DNAL1: variants seen among roughly 807,000 people sequenced by gnomAD.
DNAL1 encodes dynein axonemal light chain 1, also known as chromosome 14 open reading frame 168.
Under a neutral mutation model 29.4 loss-of-function variants are expected in DNAL1, and 17 were observed. The observed-to-expected ratio is 0.58, with a 90% CI of 0.40 to 0.87. The LOEUF (loss-of-function observed/expected upper bound fraction) is 0.87. DNAL1 is among the 40% of genes least tolerant of loss of function. The probability of loss-of-function intolerance (pLI) is 0.00; values close to 1 mark genes in which losing one functional copy is unlikely to be tolerated. For synonymous variants in DNAL1, 78 were observed against 76.3 expected (o/e 1.02, Z -0.12); for missense variants, 188 against 214.1 (o/e 0.88, Z 0.76).
At chr14:73,645,379 A>G (rs1890955613) in intron 1 of DNAL1, among the ~76,000 whole-genome samples, 3 of 151,988 alleles carry the variant, frequency 2.0e-5, no homozygotes, top group Non-Finnish European at 4.4e-5. Flanking sequence ...ATCTCTTTAC[A>G]TAGAAGTAAT....
rs192254103 is a variant in DNAL1, at chr14:73,692,084, G to A, written c.532+2569G>A. 4.7e-3 allele frequency among the ~76,000 whole-genome samples: 692 copies of A among 147,198 alleles called. 9 individuals carry two copies. The highest frequency in any genetic ancestry group is 0.017 in the African/African-American group (653 of 39,564). ...ACCATCTCAACTCACTGCAAGCTCC[G>A]CCTCCCAAGTTCAAGTGGTTCTCCT... On this transcript the variant is annotated intron_variant, in intron 7 of 7. Transcript: ENST00000553645.
rs1015770844 is a variant in DNAL1, at chr14:73,669,553, G to T, written c.209-1989G>T. 5.3e-5 allele frequency among the ~76,000 whole-genome samples: 8 copies of T among 152,172 alleles called. No individual in the cohort carries two copies. In the South Asian group the frequency reaches 1.2e-3, roughly 24 times the overall value. On this transcript the variant is annotated intron_variant, in intron 4 of 7. Coordinates refer to ENST00000553645, the MANE Select transcript of DNAL1 (RefSeq NM_031427.4). Reference sequence around the variant, plus strand: ...GCCTCCCAAAGTGCTGGGATTACAGGCATGAGCCACCACGCCCGGTCTAAA... The same window carrying T: ...GCCTCCCAAAGTGCTGGGATTACAGTCATGAGCCACCACGCCCGGTCTAAA...
chr14:73,689,918 C>G (rs975163401), intron 7 of DNAL1, among the ~76,000 whole-genome samples: 7 of 151,834 alleles, frequency 4.6e-5, no homozygotes, highest in African/African-American at 1.7e-4. Context: ...CACCTGTAAT[C>G]CCAGCTACTC....
At chr14:73,650,345 T>C (rs1481408132) in intron 1 of DNAL1, among the ~76,000 whole-genome samples, 1 of 152,092 alleles carries the variant, frequency 6.6e-6, no homozygotes, top group Admixed American at 6.6e-5. Context: ...TTTTAGTGGA[T>C]TTTTTTCACA....
Position 73,697,055 on chromosome 14 carries a change from C to G in DNAL1, c.*1113C>G, listed in dbSNP as rs1892315196. On this transcript the variant is annotated 3_prime_UTR_variant, in exon 8 of 8. Transcript: ENST00000553645. Reference sequence around the variant, plus strand: ...TAAAGCAGTGTAGGTGATTTAACCTCAAAATTGCAAAGCAATAGTTAGATG... The same window carrying G: ...TAAAGCAGTGTAGGTGATTTAACCTGAAAATTGCAAAGCAATAGTTAGATG... 6.6e-6 allele frequency: 1 copy of G among 152,040 alleles called. No homozygotes were observed. The highest frequency in any genetic ancestry group is 1.9e-4 in the East Asian group (1 of 5,180). The allele number at this position is 152,040 out of a possible 1,614,324, so 9.4% of individuals were successfully genotyped here. A position where few individuals can be genotyped will look rare whatever the true frequency, so the allele number is the denominator to read the frequency against.
intron 5 of DNAL1, among the ~76,000 whole-genome samples, chr14:73,675,947 A>G (rs550065730): frequency 9.2e-5 from 14 of 152,148 alleles, no homozygotes; most frequent in Non-Finnish European, 1.9e-4. Flanking sequence ...TCCAGGAGGC[A>G]GAGGATGCAG....
intron 4 of DNAL1, among the ~76,000 whole-genome samples, chr14:73,670,482 A>G (rs909797692): frequency 1.3e-5 from 2 of 152,186 alleles, no homozygotes; most frequent in Admixed American, 6.5e-5. Flanking sequence ...TGGAACAGAA[A>G]TGAGGTTTCC....
intron 6 of DNAL1, among the ~76,000 whole-genome samples, chr14:73,688,813 C>T (rs955306229): frequency 2.0e-5 from 3 of 152,024 alleles, no homozygotes; most frequent in Non-Finnish European, 1.5e-5. Flanking sequence ...AATCTCATCT[C>T]GTCTTATTTC....
intron 7 of DNAL1, among the ~76,000 whole-genome samples, chr14:73,694,001 G>C (rs901452756): frequency 6.6e-6 from 1 of 152,064 alleles, no homozygotes; most frequent in African/African-American, 2.4e-5. Context: ...GCTCACTGCC[G>C]TAAAGAACAT....
In DNAL1 at chr14:73,702,296, T is replaced by A. The variant is rs1892457314; in HGVS notation, c.*6354T>A. 6.6e-6 allele frequency: 1 copy of A among 152,086 alleles called. No individual in the cohort carries two copies. Among genetic ancestry groups the A allele is most frequent in the Admixed American group, 6.6e-5 (1 of 15,252 alleles). The allele number at this position is 152,086 out of a possible 1,614,324, so 9.4% of individuals were successfully genotyped here. On this transcript the variant is annotated 3_prime_UTR_variant, in exon 8 of 8. Transcript: ENST00000553645. ...CTGGGACTACAGGCGCACACCACCA[T>A]GCTTGGCTAATTTTTGTATTTTTAG...
intron 5 of DNAL1, among the ~76,000 whole-genome samples, chr14:73,673,592 C>T (rs1038966809): frequency 1.3e-5 from 2 of 151,910 alleles, no homozygotes; most frequent in African/African-American, 4.8e-5. Flanking sequence ...TGCTTATTTG[C>T]AGAATAAAGA....
At chr14:73,656,817 A>G (rs1284475820) in intron 2 of DNAL1, among the ~76,000 whole-genome samples, 2 of 152,068 alleles carry the variant, frequency 1.3e-5, no homozygotes, top group Admixed American at 6.6e-5. Context: ...CTAGATGTCA[A>G]TTTCTCCTCC....
chr14:73,695,358 A>G (rs553712320), intron 7 of DNAL1, among the ~76,000 whole-genome samples: 1 of 152,156 alleles, frequency 6.6e-6, no homozygotes, highest in South Asian at 2.1e-4. Context: ...ATGCCTGGCC[A>G]TAGGCATTTT....
chr14:73,695,755 C>T (rs1446866695), intron 7 of DNAL1, 147 bp from the exon 8 acceptor site: 3 of 508,186 alleles, frequency 5.9e-6, no homozygotes, highest in Non-Finnish European at 1.1e-5. Flanking sequence ...TCTTGAACTC[C>T]TGACCTCAGG....
intron 5 of DNAL1, among the ~76,000 whole-genome samples, chr14:73,673,701 CA>C (rs1891665107): frequency 6.6e-6 from 1 of 151,802 alleles, no homozygotes; most frequent in South Asian, 2.1e-4. Context: ...TTTACCTGGG[CA>C]ACATAGCAAG....
At chr14:73,664,706 C>T (rs1891434778) in intron 4 of DNAL1, among the ~76,000 whole-genome samples, 1 of 151,870 alleles carries the variant, frequency 6.6e-6, no homozygotes, top group Non-Finnish European at 1.5e-5. Flanking sequence ...CCCATCTCTA[C>T]TAAAAATTTT....
chr14:73,677,706 G>T (rs924236438), intron 5 of DNAL1, among the ~76,000 whole-genome samples: 1 of 147,454 alleles, frequency 6.8e-6, no homozygotes, highest in East Asian at 2.0e-4. Context: ...ACAGGCGCCC[G>T]CCACCACGCC....
At chr14:73,659,348 G>A (rs1891290141) in intron 3 of DNAL1, among the ~76,000 whole-genome samples, 1 of 151,022 alleles carries the variant, frequency 6.6e-6, no homozygotes, top group African/African-American at 2.4e-5. Context: ...ATTTTTAGTA[G>A]AGATAGGGTT....
intron 2 of DNAL1, among the ~76,000 whole-genome samples, chr14:73,656,536 C>T (rs1891219145): frequency 6.6e-6 from 1 of 151,278 alleles, no homozygotes; most frequent in African/African-American, 2.4e-5. Flanking sequence ...TAGGCTCAAA[C>T]ACCTGAGTAG....
Sources: gnomAD v4.1 joint callset for allele counts (sites outside exome capture counted in the v4.1 genomes callset) on GRCh38, gnomAD v4.1.1 for gene constraint, MANE v1.5 for transcripts, NCBI Gene and HGNC (gene_info 2026-07-23, HGNC 2026-07-21) for gene names.